The following KIF17 variants were observed in gnomAD, a reference collection of about 807,000 sequenced individuals.
The protein encoded by KIF17 is kinesin family member 17, also known as kinesin-like protein KIF17.
A neutral mutation model predicts 96.8 loss-of-function variants in KIF17; 80 were observed. That is an observed-to-expected ratio of 0.83 (90% CI 0.69 to 1.00). KIF17 has a LOEUF of 1.00. Among genes scored for constraint, KIF17 ranks in the 50% least tolerant of loss-of-function variants. The probability of loss-of-function intolerance (pLI) is 0.00; values close to 1 mark genes in which losing one functional copy is unlikely to be tolerated. For missense variants in KIF17, 1,280 were observed against 1,372.9 expected, an observed-to-expected ratio of 0.93 and a Z score of 1.07; for synonymous variants, 567 against 587.5, an observed-to-expected ratio of 0.97 and a Z score of 0.51.
In KIF17 at chr1:20,717,526, C is replaced by T; in HGVS notation, c.181G>A (p.Asp61Asn). The change falls in exon 1 of 15, where the codon GAC becomes AAC. Residue 61 changes from aspartate to asparagine, a missense_variant. Physicochemically the swap from Asp to Asn is conservative, Grantham distance 23. Transcript: ENST00000400463. ...QFTFDGAYHV[D>N]HVTEQIYNEI... ...TTGTAGATCTGCTCGGTGACGTGGTCCACGTGGTAGGCGCCGTCGAAGGTG... is the reference window on the plus strand; with the variant it reads ...TTGTAGATCTGCTCGGTGACGTGGTTCACGTGGTAGGCGCCGTCGAAGGTG... The T allele has an allele frequency of 6.8e-6, 11 of 1,611,688 alleles. No homozygotes were observed. The highest frequency in any genetic ancestry group is 9.3e-6 in the Non-Finnish European group (11 of 1,179,526).
intron 10 of KIF17, among the ~76,000 whole-genome samples, 189 bp downstream of exon 10, chr1:20,684,620 G>A (rs980150274): frequency 2.6e-5 from 4 of 152,186 alleles, no homozygotes; most frequent in African/African-American, 9.7e-5. Flanking sequence ...GGATGCTGGT[G>A]GCAGCCTGTG....
chr1:20,709,419 G>T lies in KIF17; in HGVS notation c.670+220C>A, dbSNP rs2054397379. ...AAATAAAAATTGTCTGGCACACAGTGAGCGCTCAATGTTGGCTCCCAGTGT... is the reference window on the plus strand; with the variant it reads ...AAATAAAAATTGTCTGGCACACAGTTAGCGCTCAATGTTGGCTCCCAGTGT... On this transcript the variant is annotated intron_variant, in intron 4 of 14. Transcript: ENST00000400463. The surrounding 1 kb of genome is among the most constrained non-coding windows in gnomAD (Gnocchi z 4.7). 6.6e-6 allele frequency among the ~76,000 whole-genome samples: 1 copy of T among 152,152 alleles called. No homozygotes were observed. The highest frequency in any genetic ancestry group is 1.5e-5 in the Non-Finnish European group (1 of 68,028).
chr1:20,715,762 C>T (rs1042492139), intron 1 of KIF17, 123 bp from the exon 2 acceptor site: 16 of 1,154,934 alleles, frequency 1.4e-5, no homozygotes, highest in Non-Finnish European at 2.0e-5. Context: ...TGGCACTGGA[C>T]TGTGGAGATA....
chr1:20,662,829 C>T (rs901862621), downstream of KIF17, among the ~76,000 whole-genome samples: 1 of 151,952 alleles, frequency 6.6e-6, no homozygotes, highest in Admixed American at 6.5e-5. Context: ...GCCAGGAGCG[C>T]CCTCCTTACA....
intron 4 of KIF17, among the ~76,000 whole-genome samples, chr1:20,708,853 C>T (rs1001202869): frequency 4.6e-5 from 7 of 152,118 alleles, no homozygotes; most frequent in Non-Finnish European, 1.0e-4. Flanking sequence ...TTTGCTTTCT[C>T]GGCAGCATTT....
At chr1:20,696,321 A>C (rs2054137843) in intron 6 of KIF17, among the ~76,000 whole-genome samples, 1 of 152,188 alleles carries the variant, frequency 6.6e-6, no homozygotes, top group African/African-American at 2.4e-5. Flanking sequence ...GAGTTGAGAA[A>C]AAGAACAAAT....
chr1:20,669,715 T>C (rs901901969), intron 13 of KIF17, among the ~76,000 whole-genome samples: 3 of 146,588 alleles, frequency 2.0e-5, no homozygotes, highest in African/African-American at 7.5e-5. Context: ...CTACTAAAAA[T>C]ACAAAAATTA....
At chr1:20,670,584 T>A in intron 12 of KIF17, 96 bp from the exon 13 acceptor site, 1 of 1,150,048 alleles carries the variant, frequency 8.7e-7, no homozygotes, top group Non-Finnish European at 1.3e-6. Context: ...GGCTCAGGCT[T>A]AAACAGGGGA....
rs148926099 is a variant in KIF17, at chr1:20,700,563, G to A, written c.1124-2075C>T. Among the ~76,000 whole-genome samples, 3 of 152,294 alleles carry A rather than the reference G, an allele frequency of 2.0e-5. No individual in the cohort carries two copies. Among genetic ancestry groups the A allele is most frequent in the African/African-American group, 7.2e-5 (3 of 41,546 alleles). ...CATCGAGTTGACAGTGGGATATGTT[G>A]GGTTTGAAATGCTTATTACACAGCT... On this transcript the variant is annotated intron_variant, in intron 5 of 14. Coordinates refer to ENST00000400463, the MANE Select transcript of KIF17 (RefSeq NM_001122819.3). This position sits in a 1 kb window ranked among gnomAD's most constrained non-coding sequence, Gnocchi z 4.6.
chr1:20,665,549 G>T (rs897178183), intron 14 of KIF17, among the ~76,000 whole-genome samples: 1 of 151,780 alleles, frequency 6.6e-6, no homozygotes, highest in Admixed American at 6.6e-5. Flanking sequence ...ACAGGCACAC[G>T]CCACTACCGC....
chr1:20,663,963 TG>T, downstream of KIF17: 5 of 160,774 alleles, frequency 3.1e-5, no homozygotes, highest in South Asian at 1.7e-4. Flanking sequence ...CAGGCCACAA[TG>T]GCAGGGAGGG....
intron 5 of KIF17, 23 bp from the exon 6 acceptor site, chr1:20,698,511 C>T: frequency 1.3e-6 from 2 of 1,526,180 alleles, no homozygotes; most frequent in African/African-American, 1.4e-5. Flanking sequence ...CAGAAATTAG[C>T]AGCCAGGATG....
chr1:20,665,827 T>G (rs1266756549), intron 14 of KIF17, among the ~76,000 whole-genome samples: 5 of 152,210 alleles, frequency 3.3e-5, no homozygotes, highest in African/African-American at 1.2e-4. Flanking sequence ...CCTTGATAAG[T>G]GAAGTCAATC....
rs780108776 is a variant in KIF17, at chr1:20,704,552, G to A, written c.1018C>T (p.Arg340Cys). Reference sequence around the variant, plus strand: ...GCATCCTTGGGGTCCTCATTGATGCGCGGCTTGTTCCTGATGTTCTTGGCC... The same window carrying A: ...GCATCCTTGGGGTCCTCATTGATGCACGGCTTGTTCCTGATGTTCTTGGCC... ...NRAKNIRNKP[R>C]INEDPKDALL... is the part of the protein sequence containing the mutation. The change falls in exon 5 of 15, where the codon CGC becomes TGC. Residue 340 changes from arginine to cysteine, a missense_variant. Arg to Cys is a radical substitution (Grantham distance 180, BLOSUM62 -3). Transcript: ENST00000400463. This position sits in a 1 kb window ranked among gnomAD's most constrained non-coding sequence, Gnocchi z 6.8. 81 of 1,614,092 alleles carry A rather than the reference G, an allele frequency of 5.0e-5. No homozygotes were observed. Among genetic ancestry groups the A allele is most frequent in the Admixed American group, 1.5e-4 (9 of 60,004 alleles).
intron 11 of KIF17, among the ~76,000 whole-genome samples, chr1:20,677,571 A>G (rs1377121318): frequency 6.6e-6 from 1 of 152,130 alleles, no homozygotes; most frequent in African/African-American, 2.4e-5. Context: ...AAGAATGAGG[A>G]GGCCAGGCGT....
rs2053922869 is a variant in KIF17, at chr1:20,685,589, T to C, written c.2019+457A>G. ...CTCCATCTACGCCCTGCTGAGAGCC[T>C]GCTGCAGGCCCGGTGCCCAGCCCAC... On this transcript the variant is annotated intron_variant, in intron 9 of 14. Coordinates refer to ENST00000400463, the MANE Select transcript of KIF17 (RefSeq NM_001122819.3). This position sits in a 1 kb window ranked among gnomAD's most constrained non-coding sequence, Gnocchi z 4.1. Among the ~76,000 whole-genome samples, 1 of 152,102 alleles carries C rather than the reference T, an allele frequency of 6.6e-6. No individual in the cohort carries two copies. The highest frequency in any genetic ancestry group is 6.5e-5 in the Admixed American group (1 of 15,276).
chr1:20,703,485 T>TGG (rs1262265524), intron 5 of KIF17, among the ~76,000 whole-genome samples: 3 of 123,022 alleles, frequency 2.4e-5, no homozygotes, highest in African/African-American at 9.9e-5. Flanking sequence ...GATAGATGGA[T>TGG]AGATGGATGG....
chr1:20,664,668 G>T lies in KIF17; in HGVS notation c.3003C>A (p.Pro1001=). 6.2e-7 allele frequency: 1 copy of T among 1,613,810 alleles called. No individual in the cohort carries two copies. Among genetic ancestry groups the T allele is most frequent in the Non-Finnish European group, 8.5e-7 (1 of 1,179,970 alleles). Residue 1001 remains proline (P), a synonymous_variant, in exon 15 of 15, where the codon CCC becomes CCA. Coordinates refer to ENST00000400463, the MANE Select transcript of KIF17 (RefSeq NM_001122819.3). The part of the protein sequence containing the change: ...TQAPEMPQPR[P]FRLESLDIPF... Reference sequence around the variant, plus strand: ...GGATGTCGAGGGACTCGAGGCGGAAGGGCCGGGGCTGGGGCATTTCAGGGG... The same window carrying T: ...GGATGTCGAGGGACTCGAGGCGGAATGGCCGGGGCTGGGGCATTTCAGGGG...
chr1:20,684,360 T>C (rs1405340208), intron 10 of KIF17, among the ~76,000 whole-genome samples: 1 of 152,188 alleles, frequency 6.6e-6, no homozygotes, highest in Admixed American at 6.5e-5. Context: ...ACATCATCAT[T>C]AACGGAAGTG....
Sources: allele counts gnomAD v4.1 joint callset (sites outside exome capture counted in the v4.1 genomes callset), GRCh38; gene constraint gnomAD v4.1.1; non-coding constraint Gnocchi (gnomAD v3.1); transcripts MANE v1.5; gene names NCBI Gene and HGNC (gene_info 2026-07-23, HGNC 2026-07-21).